Variants in TSPAN4 observed in about 807,000 individuals in gnomAD.
TSPAN4 encodes the protein tetraspanin 4, also known as tetraspanin-4.
TSPAN4 carries 38 observed loss-of-function variants against 31.5 expected under a neutral mutation model. The observed-to-expected ratio is 1.21, with a 90% CI of 0.93 to 1.58. TSPAN4 has a LOEUF of 1.58. TSPAN4 is among the 40% of genes most tolerant of loss of function. The pLI, the probability that TSPAN4 is intolerant of heterozygous loss-of-function variation, is 0.00. For missense variants in TSPAN4, 330 were observed against 317.3 expected, an observed-to-expected ratio of 1.04 and a Z score of -0.30; for synonymous variants, 186 against 144.6, an observed-to-expected ratio of 1.29 and a Z score of -2.06.
chr11:851,993 C>T (rs545426352), intron 3 of TSPAN4, among the ~76,000 whole-genome samples: 19 of 152,164 alleles, frequency 1.2e-4, no homozygotes, highest in African/African-American at 4.3e-4. Context: ...GTGGACCTCT[C>T]TTTGCTCTGT....
chr11:850,163 C>CG (rs1847584136), intron 2 of TSPAN4, 125 bp from the exon 3 acceptor site: 5 of 724,008 alleles, frequency 6.9e-6, no homozygotes, highest in Non-Finnish European at 1.1e-5. Flanking sequence ...GCGGGGACGC[C>CG]GGGGGCTCCT....
chr11:866,687 C>G lies in TSPAN4; in HGVS notation c.*57C>G. 2 of 1,511,658 alleles carry G rather than the reference C, an allele frequency of 1.3e-6. No homozygotes were observed. The highest frequency in any genetic ancestry group is 1.8e-6 in the Non-Finnish European group (2 of 1,109,378). 93.6% of individuals were successfully genotyped at this position (1,511,658 alleles called of 1,614,324 possible). Reference sequence around the variant, plus strand: ...ACGCCCACGGGGAGATGGCCGCACCCACAGCTGCCTTTCCCACCACCAGCC... The same window carrying G: ...ACGCCCACGGGGAGATGGCCGCACCGACAGCTGCCTTTCCCACCACCAGCC... On this transcript the variant is annotated 3_prime_UTR_variant, in exon 9 of 9. Transcript: ENST00000397397.
At chr11:852,919 C>T (rs1847837355) in intron 3 of TSPAN4, among the ~76,000 whole-genome samples, 1 of 152,188 alleles carries the variant, frequency 6.6e-6, no homozygotes. Flanking sequence ...TGCCGGAGTC[C>T]TGCTGGGCCT....
At chr11:844,942 C>T (rs936323179) in intron 1 of TSPAN4, among the ~76,000 whole-genome samples, 2 of 152,124 alleles carry the variant, frequency 1.3e-5, no homozygotes. Context: ...AGGCCAGCCA[C>T]GGGACCAGGA....
At chr11:864,338 C>A in intron 4 of TSPAN4, 99 bp from the exon 5 acceptor site, 2 of 1,460,114 alleles carry the variant, frequency 1.4e-6, no homozygotes, top group South Asian at 2.3e-5. Flanking sequence ...CCTGGCAGCA[C>A]CAGGTATCCA....
chr11:853,162 G>A (rs1186280102), intron 3 of TSPAN4, among the ~76,000 whole-genome samples: 2 of 152,088 alleles, frequency 1.3e-5, no homozygotes, highest in African/African-American at 2.4e-5. Context: ...GCTCGTGTGC[G>A]GTGGTCAGGG....
chr11:850,237 GCAA>G (rs1358335489), intron 2 of TSPAN4, 48 bp from the exon 3 acceptor site: 2 of 1,468,184 alleles, frequency 1.4e-6, no homozygotes, highest in African/African-American at 2.8e-5. Context: ...TCGCCCAAGG[GCAA>G]CAAGTACGTG....
Position 866,617 on chromosome 11 carries a change from CCTA to C in TSPAN4, c.707_709del (p.Tyr236del), listed in dbSNP as rs1848866377. On this transcript the variant is annotated inframe_deletion, in exon 9 of 9. Transcript: ENST00000397397. ...TACTGCCAAGTGGTCAAGGCAGACA[CCTA>C]CTGCGCGTAGGCCGCCCACCGCCCG... 2 of 1,613,066 alleles carry C rather than the reference CCTA, an allele frequency of 1.2e-6. No individual in the cohort carries two copies. The highest frequency in any genetic ancestry group is 1.7e-6 in the Non-Finnish European group (2 of 1,179,724).
rs1053095797 is a variant in TSPAN4 at position 865,759 on chromosome 11, T to C, written c.498T>C (p.Pro166=). ...WFEVYNATRV[P]DSCCLEFSES... is the part of the protein sequence containing the mutation. Reference sequence around the variant, plus strand: ...AGGTGTACAACGCCACGCGGGTACCTGACTCCTGCTGCTTGGAGTTCAGTG... The same window carrying C: ...AGGTGTACAACGCCACGCGGGTACCCGACTCCTGCTGCTTGGAGTTCAGTG... Residue 166 remains proline, a synonymous_variant, in exon 7 of 9, where the codon CCT becomes CCC. Transcript: ENST00000397397. 19 of 1,612,932 alleles carry C rather than the reference T, an allele frequency of 1.2e-5. No individual in the cohort carries two copies. The highest frequency in any genetic ancestry group is 1.5e-5 in the Non-Finnish European group (18 of 1,179,848).
Position 865,495 on chromosome 11 carries a change from C to A in TSPAN4, c.331-18C>A, listed in dbSNP as rs61614113. ...GGTACAGTGGGAGGGGCCCTGCTGA[C>A]CCCCCCCGCACCCCCAGATTGACAG... On this transcript the variant is annotated intron_variant, in intron 5 of 8. Coordinates refer to ENST00000397397, the MANE Select transcript of TSPAN4 (RefSeq NM_003271.5). 2.0e-3 allele frequency: 3,158 copies of A among 1,570,602 alleles called. 53 individuals carry two copies. In the African/African-American group the frequency reaches 0.038, roughly 19 times the overall value.
chr11:854,784 C>T (rs919309309), intron 3 of TSPAN4, among the ~76,000 whole-genome samples: 6 of 152,202 alleles, frequency 3.9e-5, no homozygotes, highest in Non-Finnish European at 5.9e-5. Flanking sequence ...TGAGCTGAGA[C>T]GATGTCTGGC....
rs1220922675 is a variant in TSPAN4, at chr11:865,543, A to G, written c.361A>G (p.Lys121Glu). Reference protein sequence around the residue: ...IDRYAQQDLKKGLHLYGTQGN... With the variant: ...IDRYAQQDLKEGLHLYGTQGN... ...CAGGTATGCCCAGCAAGACCTGAAG[A>G]AAGGCTTGCACCTGTACGGCACGCA... Residue 121 changes from lysine (K) to glutamate (E), a missense_variant, in exon 6 of 9, where the codon AAA becomes GAA. Physicochemically the swap from Lys to Glu is moderately conservative, Grantham distance 56 (BLOSUM62 1). Coordinates refer to ENST00000397397, the MANE Select transcript of TSPAN4 (RefSeq NM_003271.5). 1 of 1,612,288 alleles carries G rather than the reference A, an allele frequency of 6.2e-7. No homozygotes were observed. Among genetic ancestry groups the G allele is most frequent in the Admixed American group, 1.7e-5 (1 of 59,990 alleles).
intron 3 of TSPAN4, among the ~76,000 whole-genome samples, chr11:854,588 T>C (rs1320186699): frequency 6.6e-6 from 1 of 152,184 alleles, no homozygotes; most frequent in Non-Finnish European, 1.5e-5. Context: ...GCACGGGGGC[T>C]GTCCTGGCTC....
Position 862,754 on chromosome 11 carries a change from G to A in TSPAN4, c.255+13G>A. ...CCTCCTGCTCACTGTGAGTGCCGGG[G>A]CCCAAGCGATGCTCCGGGTGGGACC... On this transcript the variant is annotated intron_variant, in intron 4 of 8. Transcript: ENST00000397397. 2 of 1,603,306 alleles carry A rather than the reference G, an allele frequency of 1.2e-6. No individual in the cohort carries two copies. The highest frequency in any genetic ancestry group is 1.1e-5 in the South Asian group (1 of 89,626).
At position 862,719 on chromosome 11, in the gene TSPAN4, A is replaced by T. The variant is rs754028773; in HGVS notation, c.233A>T (p.Glu78Val). The change falls in exon 4 of 9, where the codon GAG (glutamate) becomes GTG (valine). Residue 78 changes from glutamate to valine, a missense_variant. Coordinates refer to ENST00000397397, the MANE Select transcript of TSPAN4 (RefSeq NM_003271.5). ...GTGGGCTGCCTGGGTGCCATCAAGG[A>T]GAACAAGTGCCTCCTGCTCACTGTG... Reference protein sequence around the residue: ...GFVGCLGAIKENKCLLLTFFL... With the variant: ...GFVGCLGAIKVNKCLLLTFFL... The T allele has an allele frequency of 5.0e-6, 8 of 1,611,870 alleles. No homozygotes were observed. In the South Asian group the frequency reaches 8.8e-5, roughly 18 times the overall value.
rs769103077 is a variant in TSPAN4, at chr11:850,313, C to T, written c.9C>T (p.Arg3=). 7.5e-5 allele frequency: 120 copies of T among 1,606,524 alleles called. No homozygotes were observed. The highest frequency in any genetic ancestry group is 4.5e-5 in the East Asian group (2 of 44,762). Residue 3 remains arginine, a synonymous_variant, in exon 3 of 9, where the codon CGC becomes CGT. Transcript: ENST00000397397. ...AACTGAAGCGCTGCGGCATGGCGCG[C>T]GCCTGCCTCCAGGCCGTCAAGTACC... is the stretch of plus-strand genomic sequence containing the variant. MA[R]ACLQAVKYLM...
chr11:848,725 G>C lies in TSPAN4; in HGVS notation c.-18+1425G>C, dbSNP rs1272692710. On this transcript the variant is annotated intron_variant, in intron 2 of 8. Transcript: ENST00000397397. This position sits in a 1 kb window ranked among gnomAD's most constrained non-coding sequence, Gnocchi z 5.7. ...CCTCATTCCCCACCTCTGGGCTTCA[G>C]GTCATCTGCCAGGAATCTGGGCCAC... The C allele has an allele frequency of 1.9e-6, 1 of 526,576 alleles. No individual in the cohort carries two copies. The highest frequency in any genetic ancestry group is 1.9e-5 in the African/African-American group (1 of 51,424). The allele number at this position is 526,576 out of a possible 1,614,324, so 32.6% of individuals were successfully genotyped here.
rs370114209 is a variant in TSPAN4, at chr11:862,755, C to T, written c.255+14C>T. 46 of 1,602,222 alleles carry T rather than the reference C, an allele frequency of 2.9e-5. No individual in the cohort carries two copies. The African/African-American group carries it at 5.2e-4, about 18-fold the overall frequency. On this transcript the variant is annotated intron_variant, in intron 4 of 8. Transcript: ENST00000397397. ...CTCCTGCTCACTGTGAGTGCCGGGG[C>T]CCAAGCGATGCTCCGGGTGGGACCA...
At chr11:846,393 T>G (rs1333274129) in intron 1 of TSPAN4, among the ~76,000 whole-genome samples, 1 of 152,194 alleles carries the variant, frequency 6.6e-6, no homozygotes, top group Non-Finnish European at 1.5e-5. Context: ...GATGTCTCTT[T>G]TGGGGCTCTC....
Sources: gnomAD v4.1 joint callset for allele counts (sites outside exome capture counted in the v4.1 genomes callset) on GRCh38, gnomAD v4.1.1 for gene constraint, Gnocchi (gnomAD v3.1) non-coding constraint, MANE v1.5 for transcripts, NCBI Gene and HGNC (gene_info 2026-07-23, HGNC 2026-07-21) for gene names.